Variants in DCLK2 observed in about 807,000 individuals in gnomAD.
The protein encoded by DCLK2 is serine/threonine-protein kinase DCLK2.
A neutral mutation model predicts 78.4 loss-of-function variants in DCLK2; 31 were observed. The observed-to-expected ratio is 0.40, with a 90% CI of 0.30 to 0.53. The LOEUF is 0.53. Ranked by LOEUF, DCLK2 falls within the 20% of genes least tolerant of loss-of-function variation. The pLI is 0.61. For synonymous variants in DCLK2, 407 were observed against 374.9 expected (o/e 1.09, Z -0.99); for missense variants, 872 against 973.7 (o/e 0.90, Z 1.39).
At chr4:150,249,146 A>C (rs1345059459) in intron 14 of DCLK2, among the ~76,000 whole-genome samples, 2 of 151,106 alleles carry the variant, frequency 1.3e-5, no homozygotes, top group Admixed American at 1.3e-4. Flanking sequence ...AAGATACCAC[A>C]TTTTTTTTTA....
intron 12 of DCLK2, among the ~76,000 whole-genome samples, chr4:150,243,045 A>C (rs1743044715): frequency 6.6e-6 from 1 of 152,130 alleles, no homozygotes; most frequent in African/African-American, 2.4e-5. Flanking sequence ...GTTTGAGCGG[A>C]CTGTGTGCTC....
intron 2 of DCLK2, among the ~76,000 whole-genome samples, chr4:150,105,241 G>C (rs1036220521): frequency 6.6e-6 from 1 of 152,062 alleles, no homozygotes; most frequent in African/African-American, 2.4e-5. Flanking sequence ...AGGTTGAATG[G>C]ACAACATAAA....
chr4:150,125,752 G>A (rs960408875), intron 2 of DCLK2, among the ~76,000 whole-genome samples: 14 of 151,944 alleles, frequency 9.2e-5, no homozygotes, highest in Admixed American at 2.6e-4. Context: ...TTAGCTGGGC[G>A]TGGTGGCATG....
chr4:150,209,644 C>T (rs1479131035), intron 5 of DCLK2: 2 of 152,374 alleles, frequency 1.3e-5, no homozygotes, highest in East Asian at 3.9e-4. Context: ...CCTGAGCTCC[C>T]TCCCTCCTCT....
intron 2 of DCLK2, among the ~76,000 whole-genome samples, chr4:150,180,745 G>A (rs1010493534): frequency 1.7e-4 from 26 of 152,100 alleles, no homozygotes; most frequent in Admixed American, 3.9e-4. Context: ...CCCCCAGGCA[G>A]GCCACGGAAA....
rs528445346 is a variant in DCLK2 at position 150,104,298 on chromosome 4, G to A, written c.756+1486G>A. Among the ~76,000 whole-genome samples the A allele has an allele frequency of 1.6e-3, 239 of 147,318 alleles. 1 individual carries two copies. The Middle Eastern group carries it at 0.025, about 15-fold the overall frequency. On this transcript the variant is annotated intron_variant, in intron 2 of 15. Coordinates refer to ENST00000296550, the MANE Select transcript of DCLK2 (RefSeq NM_001040260.4). ...AGCTACTTGGGAGGCTGAAGTGGGA[G>A]GATCCTTTGAACCCAGGAGTTTCGG...
rs2126657199 is a variant in DCLK2 at position 150,255,875 on chromosome 4, T to C, written c.2074-145T>C. The C allele has an allele frequency of 2.2e-6, 3 of 1,389,044 alleles. No individual in the cohort carries two copies. In the East Asian group the frequency reaches 7.6e-5, roughly 35 times the overall value. 86.0% of individuals were successfully genotyped at this position (1,389,044 alleles called of 1,614,324 possible). A position where few individuals can be genotyped will look rare whatever the true frequency, so the allele number is the denominator to read the frequency against. ...TGGGTTCCCGAAACCATTACTCTCC[T>C]GTGAGGCTTCTGTTAGAAGCTTGGC... On this transcript the variant is annotated intron_variant, in intron 15 of 15. Transcript: ENST00000296550.
chr4:150,240,763 G>A (rs1308823902), intron 12 of DCLK2, among the ~76,000 whole-genome samples: 41 of 61,868 alleles, frequency 6.6e-4, no homozygotes, highest in East Asian at 9.7e-4. Flanking sequence ...AAAAAAAAAA[G>A]AAAAAGAAAA....
intron 8 of DCLK2, among the ~76,000 whole-genome samples, chr4:150,226,549 GT>G (rs1741633251): frequency 6.6e-6 from 1 of 152,026 alleles, no homozygotes; most frequent in Non-Finnish European, 1.5e-5. Flanking sequence ...AGGTGCTATG[GT>G]AAGGATATGG....
At chr4:150,214,491 C>T (rs1740529574) in intron 5 of DCLK2, among the ~76,000 whole-genome samples, 1 of 152,134 alleles carries the variant, frequency 6.6e-6, no homozygotes, top group Non-Finnish European at 1.5e-5. Flanking sequence ...AGGAGTTTGC[C>T]TGCTGGCCAA....
At chr4:150,122,631 A>G (rs1198385331) in intron 2 of DCLK2, among the ~76,000 whole-genome samples, 3 of 152,210 alleles carry the variant, frequency 2.0e-5, no homozygotes, top group Non-Finnish European at 4.4e-5. Flanking sequence ...GAGGGAGAGC[A>G]TTAGGAGAAA....
intron 2 of DCLK2, among the ~76,000 whole-genome samples, chr4:150,110,362 AT>A (rs1731585239): frequency 6.6e-6 from 1 of 152,216 alleles, no homozygotes; most frequent in Admixed American, 6.5e-5. Flanking sequence ...CACAATATTA[AT>A]TTTGTTACAT....
At chr4:150,089,541 CT>C (rs1729897865) in intron 1 of DCLK2, among the ~76,000 whole-genome samples, 1 of 152,192 alleles carries the variant, frequency 6.6e-6, no homozygotes, top group Non-Finnish European at 1.5e-5. Flanking sequence ...GTTTCTCAAA[CT>C]TTAACAATGG....
chr4:150,174,692 A>G (rs2150266853), intron 2 of DCLK2, among the ~76,000 whole-genome samples: 1 of 151,666 alleles, frequency 6.6e-6, no homozygotes. Context: ...TTAAGTGAAG[A>G]CGGTACTTAA....
At chr4:150,141,731 G>A (rs1734116336) in intron 2 of DCLK2, among the ~76,000 whole-genome samples, 1 of 152,190 alleles carries the variant, frequency 6.6e-6, no homozygotes, top group South Asian at 2.1e-4. Flanking sequence ...AAGATGTGAA[G>A]CAATATGTGA....
intron 2 of DCLK2, among the ~76,000 whole-genome samples, chr4:150,110,821 T>A (rs1436816380): frequency 6.6e-6 from 1 of 152,152 alleles, no homozygotes; most frequent in East Asian, 1.9e-4. Context: ...TATTTCAGTC[T>A]TTTTTATGGC....
intron 8 of DCLK2, among the ~76,000 whole-genome samples, chr4:150,226,169 GA>G (rs1741590098): frequency 6.7e-6 from 1 of 150,242 alleles, no homozygotes; most frequent in South Asian, 2.1e-4. Flanking sequence ...GAATGGTTTA[GA>G]AAAATCTTCT....
chr4:150,246,713 T>G (rs562226288), intron 12 of DCLK2, among the ~76,000 whole-genome samples: 1 of 152,012 alleles, frequency 6.6e-6, no homozygotes, highest in South Asian at 2.1e-4. Flanking sequence ...ATATGGGAGG[T>G]TGGGGACGTC....
chr4:150,123,652 TA>T, intron 2 of DCLK2, among the ~76,000 whole-genome samples: 1 of 152,306 alleles, frequency 6.6e-6, no homozygotes, highest in East Asian at 1.9e-4. Context: ...CTTCCATTCG[TA>T]AAAAGCTCAG....
Sources: allele counts gnomAD v4.1 joint callset (sites outside exome capture counted in the v4.1 genomes callset), GRCh38; gene constraint gnomAD v4.1.1; transcripts MANE v1.5; gene names NCBI Gene and HGNC (gene_info 2026-07-23, HGNC 2026-07-21).